ZFP2: variants seen among roughly 807,000 people sequenced by gnomAD.
ZFP2 encodes zinc finger protein ZFP2.
In ZFP2, 33 loss-of-function variants were observed where a neutral mutation model predicts 36.1. The ratio of observed to expected loss-of-function variants is 0.92; its 90% CI spans 0.69 to 1.22. The LOEUF (loss-of-function observed/expected upper bound fraction) is 1.22, where lower values mean the gene tolerates loss of function less well. Ranked by LOEUF, ZFP2 falls within the 50% of genes most tolerant of loss-of-function variation. The pLI, the probability that ZFP2 is intolerant of heterozygous loss-of-function variation, is 0.00. For synonymous variants in ZFP2, 170 were observed against 178.0 expected (o/e 0.96, Z 0.36); for missense variants, 522 against 551.4 (o/e 0.95, Z 0.53).
At position 178,922,722 on chromosome 5, in the gene ZFP2, C is replaced by T. The variant is rs1387808975; in HGVS notation, c.-78+6012C>T. The T allele has an allele frequency of 1.3e-6, 2 of 1,572,972 alleles. 1 individual carries two copies. The highest frequency in any genetic ancestry group is 1.7e-6 in the Non-Finnish European group (2 of 1,149,820). ...GCAACTTACATACAAGAACAATTAACTGGAGCAAAGGGAGATATTTCTTTG... is the reference window on the plus strand; with the variant it reads ...GCAACTTACATACAAGAACAATTAATTGGAGCAAAGGGAGATATTTCTTTG... On this transcript the variant is annotated intron_variant, in intron 4 of 4. Transcript: ENST00000361362.
chr5:178,919,582 G>A (rs1243740136), intron 4 of ZFP2, among the ~76,000 whole-genome samples: 2 of 152,140 alleles, frequency 1.3e-5, no homozygotes, highest in African/African-American at 4.8e-5. Context: ...GAGAAATTCA[G>A]TTATTCACAT....
At chr5:178,925,126 T>TATATATATATACAC in intron 4 of ZFP2, among the ~76,000 whole-genome samples, 1 of 133,592 alleles carries the variant, frequency 7.5e-6, no homozygotes, top group Admixed American at 8.0e-5. Context: ...TATATATATA[T>TATATATATATACAC]ACACACACAC....
chr5:178,916,665 T>C lies in ZFP2; in HGVS notation c.-123T>C, dbSNP rs1200697684. The C allele has an allele frequency of 1.0e-6, 1 of 985,366 alleles. No individual in the cohort carries two copies. The highest frequency in any genetic ancestry group is 1.7e-5 in the African/African-American group (1 of 57,244). 61.0% of individuals were successfully genotyped at this position (985,366 alleles called of 1,614,324 possible). A position where few individuals can be genotyped will look rare whatever the true frequency, so the allele number is the denominator to read the frequency against. ...GTATTGACTGAGTGCTGTGCTCAGCTCTTCCACAGCCAGCATCTCACTTAC... is the reference window on the plus strand; with the variant it reads ...GTATTGACTGAGTGCTGTGCTCAGCCCTTCCACAGCCAGCATCTCACTTAC... On this transcript the variant is annotated 5_prime_UTR_variant, in exon 4 of 5. Transcript: ENST00000361362.
chr5:178,908,276 G>A (rs1019338529), intron 1 of ZFP2, among the ~76,000 whole-genome samples: 30 of 151,966 alleles, frequency 2.0e-4, no homozygotes, highest in Non-Finnish European at 1.9e-4. Flanking sequence ...GTGAAACCCT[G>A]TCTCTACTAA....
intron 1 of ZFP2, among the ~76,000 whole-genome samples, chr5:178,911,203 A>G (rs1012755418): frequency 2.2e-4 from 34 of 152,228 alleles, no homozygotes; most frequent in African/African-American, 6.0e-4. Flanking sequence ...AAGGTAGACA[A>G]TGAACTCTGT....
At chr5:178,922,062 T>C in intron 4 of ZFP2, 1 of 875,252 alleles carries the variant, frequency 1.1e-6, no homozygotes, top group South Asian at 1.4e-5. Context: ...CAAGAAAACA[T>C]CATGAAAGAT....
intron 1 of ZFP2, among the ~76,000 whole-genome samples, chr5:178,902,376 A>G (rs1369082827): frequency 6.6e-6 from 1 of 152,224 alleles, no homozygotes; most frequent in Non-Finnish European, 1.5e-5. Flanking sequence ...TAGCCAAACT[A>G]CAAACCTTAC....
At chr5:178,926,653 A>G (rs892134079) in intron 4 of ZFP2, among the ~76,000 whole-genome samples, 5 of 152,044 alleles carry the variant, frequency 3.3e-5, no homozygotes, top group African/African-American at 1.2e-4. Flanking sequence ...AGTAGCTGGG[A>G]CTACAGGTGT....
At chr5:178,923,827 CCTA>C (rs1758610374) in intron 4 of ZFP2, among the ~76,000 whole-genome samples, 1 of 148,448 alleles carries the variant, frequency 6.7e-6, no homozygotes, top group Non-Finnish European at 1.5e-5. Flanking sequence ...TATACTGAAT[CCTA>C]CTATTAAGTT....
At chr5:178,897,455 G>A (rs1011126685) in intron 1 of ZFP2, among the ~76,000 whole-genome samples, 1 of 152,092 alleles carries the variant, frequency 6.6e-6, no homozygotes, top group Non-Finnish European at 1.5e-5. Flanking sequence ...TCACGTTTGG[G>A]TGTTTGACAT....
chr5:178,906,166 A>G (rs1758161670), intron 1 of ZFP2, among the ~76,000 whole-genome samples: 1 of 152,210 alleles, frequency 6.6e-6, no homozygotes, highest in Non-Finnish European at 1.5e-5. Context: ...GCGCATGCTG[A>G]GCACAGAGCC....
chr5:178,910,604 A>G (rs1399956891), intron 1 of ZFP2: 3 of 446,588 alleles, frequency 6.7e-6, no homozygotes, highest in African/African-American at 4.0e-5. Flanking sequence ...ACACTGGCCC[A>G]TGGTACTGGT....
chr5:178,906,407 A>T (rs1758166544), intron 1 of ZFP2, among the ~76,000 whole-genome samples: 1 of 152,074 alleles, frequency 6.6e-6, no homozygotes, highest in African/African-American at 2.4e-5. Flanking sequence ...CGTTATTCTC[A>T]CTGCTTTCTT....
At chr5:178,898,896 T>C (rs771737182) in intron 1 of ZFP2, among the ~76,000 whole-genome samples, 16 of 152,244 alleles carry the variant, frequency 1.1e-4, no homozygotes, top group Non-Finnish European at 1.9e-4. Context: ...AAAAAAGTTA[T>C]ATGCAAGCTG....
At chr5:178,931,137 T>G in intron 4 of ZFP2, 100 bp from the exon 5 acceptor site, 1 of 1,297,450 alleles carries the variant, frequency 7.7e-7, no homozygotes. Context: ...AGCAGTTATT[T>G]TAGTTGATAG....
At chr5:178,896,147 C>T (rs1757930858) in intron 1 of ZFP2, among the ~76,000 whole-genome samples, 173 bp downstream of exon 1, 1 of 152,196 alleles carries the variant, frequency 6.6e-6, no homozygotes, top group Non-Finnish European at 1.5e-5. Flanking sequence ...GCCGGGCCTC[C>T]GGCTCCAGGT....
At chr5:178,900,174 T>C (rs1758025901) in intron 1 of ZFP2, among the ~76,000 whole-genome samples, 1 of 152,324 alleles carries the variant, frequency 6.6e-6, no homozygotes, top group African/African-American at 2.4e-5. Flanking sequence ...TTAAATCAGC[T>C]TTTTCTGAGG....
chr5:178,919,406 G>A (rs1758506887), intron 4 of ZFP2, among the ~76,000 whole-genome samples: 1 of 152,158 alleles, frequency 6.6e-6, no homozygotes, highest in Non-Finnish European at 1.5e-5. Context: ...AACAGGGTGG[G>A]TCTGCTGGTG....
intron 1 of ZFP2, among the ~76,000 whole-genome samples, chr5:178,907,137 G>T (rs1027521227): frequency 1.3e-5 from 2 of 152,010 alleles, no homozygotes; most frequent in African/African-American, 4.8e-5. Flanking sequence ...GGACCCTCTT[G>T]TGAGGAAAGG....
Sources: gnomAD v4.1 joint callset for allele counts (sites outside exome capture counted in the v4.1 genomes callset) on GRCh38, gnomAD v4.1.1 for gene constraint, MANE v1.5 for transcripts, NCBI Gene and HGNC (gene_info 2026-07-23, HGNC 2026-07-21) for gene names.